Variants in FOXP2 observed in about 807,000 individuals in gnomAD.
The protein encoded by FOXP2 is forkhead box P2, also known as forkhead box protein P2.
FOXP2 carries 12 observed loss-of-function variants against 115.8 expected under a neutral mutation model. The observed-to-expected ratio is 0.10, with a 90% CI of 0.07 to 0.17. FOXP2 has a LOEUF of 0.17. Among genes scored for constraint, FOXP2 ranks in the 10% least tolerant of loss-of-function variants. The pLI is 1.00. For missense variants in FOXP2, 629 were observed against 843.5 expected, an observed-to-expected ratio of 0.75 and a Z score of 3.15; for synonymous variants, 328 against 297.7, an observed-to-expected ratio of 1.10 and a Z score of -1.05.
At chr7:114,113,327 T>C (rs1791320281) in intron 1 of FOXP2, among the ~76,000 whole-genome samples, 1 of 152,172 alleles carries the variant, frequency 6.6e-6, no homozygotes. Context: ...TCTCAAATCC[T>C]AAACAAAAAT....
chr7:114,418,329 G>T (rs1793445290), intron 1 of FOXP2, among the ~76,000 whole-genome samples: 1 of 151,970 alleles, frequency 6.6e-6, no homozygotes, highest in East Asian at 1.9e-4. Context: ...ACATAAATCA[G>T]CCCTCCAACA....
chr7:114,341,276 C>G (rs1791206230), intron 2 of FOXP2, among the ~76,000 whole-genome samples: 1 of 151,182 alleles, frequency 6.6e-6, no homozygotes, highest in South Asian at 2.1e-4. Context: ...TGCCTAAATG[C>G]AATGTTTTCT....
chr7:114,658,226 G>A lies in FOXP2; in HGVS notation c.1427G>A (p.Arg476Gln). 1.2e-6 allele frequency: 2 copies of A among 1,613,782 alleles called. No homozygotes were observed. Among genetic ancestry groups the A allele is most frequent in the East Asian group, 2.2e-5 (1 of 44,854 alleles). Residue 476 changes from arginine to glutamine, a missense_variant, in exon 11 of 17, where the codon CGA becomes CAA. Coordinates refer to ENST00000350908, the MANE Select transcript of FOXP2 (RefSeq NM_014491.4). ...AGTGTGCCCAATGTGGGAGCCATAC[G>A]AAGGCGACATTCAGACAAATACAAC... ...PASVPNVGAI[R>Q]RRHSDKYNIP...
At chr7:114,307,875 A>G (rs1483269298) in intron 2 of FOXP2, among the ~76,000 whole-genome samples, 3 of 152,160 alleles carry the variant, frequency 2.0e-5, no homozygotes, top group Admixed American at 6.6e-5. Context: ...CTGTTTTTGT[A>G]GCCTGTGGAT....
chr7:114,155,896 T>C (rs1396840058), intron 1 of FOXP2, among the ~76,000 whole-genome samples: 1 of 152,126 alleles, frequency 6.6e-6, no homozygotes, highest in Non-Finnish European at 1.5e-5. Context: ...TGTCAGCATG[T>C]TTCTGGGGGG....
chr7:114,320,097 AATAT>A (rs1326486165), intron 2 of FOXP2, among the ~76,000 whole-genome samples: 2 of 111,694 alleles, frequency 1.8e-5, no homozygotes, highest in East Asian at 2.7e-4. Context: ...ATATACTCAT[AATAT>A]ATGCTTTTTA....
chr7:114,624,565 C>T (rs1804430202), intron 3 of FOXP2, among the ~76,000 whole-genome samples: 1 of 151,782 alleles, frequency 6.6e-6, no homozygotes, highest in South Asian at 2.1e-4. Flanking sequence ...AAGCCCAGCA[C>T]ATTCAGAAAT....
chr7:114,100,844 G>A (rs117447025), intron 1 of FOXP2, among the ~76,000 whole-genome samples: 13 of 152,142 alleles, frequency 8.5e-5, no homozygotes, highest in Admixed American at 8.5e-4. Flanking sequence ...AGCACTTTGT[G>A]TGTACAAATT....
At chr7:114,325,069 A>G (rs1007907351) in intron 2 of FOXP2, among the ~76,000 whole-genome samples, 2 of 151,932 alleles carry the variant, frequency 1.3e-5, no homozygotes, top group Non-Finnish European at 2.9e-5. Context: ...ATGTTCTTAC[A>G]TTAAACTTTT....
chr7:114,198,352 C>T (rs545635349), intron 1 of FOXP2, among the ~76,000 whole-genome samples: 1 of 152,144 alleles, frequency 6.6e-6, no homozygotes, highest in Non-Finnish European at 1.5e-5. Flanking sequence ...TGCAGAAGTC[C>T]TCTCTAGTGG....
intron 1 of FOXP2, among the ~76,000 whole-genome samples, chr7:114,275,318 C>T (rs1020475249): frequency 1.3e-5 from 2 of 152,000 alleles, no homozygotes; most frequent in African/African-American, 2.4e-5. Flanking sequence ...GTAGTTTTCC[C>T]GCAGTTCTTA....
intron 16 of FOXP2, among the ~76,000 whole-genome samples, chr7:114,687,154 A>T (rs1167568114): frequency 1.3e-5 from 2 of 152,140 alleles, no homozygotes; most frequent in Non-Finnish European, 2.9e-5. Context: ...ATTAAGCGTT[A>T]TTTCCATTTA....
At chr7:114,648,913 C>G (rs764869706) in intron 8 of FOXP2, among the ~76,000 whole-genome samples, 2 of 152,050 alleles carry the variant, frequency 1.3e-5, no homozygotes, top group Non-Finnish European at 2.9e-5. Context: ...GAACTGCAGT[C>G]TCGGTAAGAG....
chr7:114,267,941 A>G (rs1795937042), intron 1 of FOXP2, among the ~76,000 whole-genome samples: 1 of 151,952 alleles, frequency 6.6e-6, no homozygotes, highest in Non-Finnish European at 1.5e-5. Context: ...GTACCCATTA[A>G]GCAATAATAT....
chr7:114,446,424 A>G (rs1365556655), intron 2 of FOXP2, among the ~76,000 whole-genome samples: 1 of 152,042 alleles, frequency 6.6e-6, no homozygotes, highest in African/African-American at 2.4e-5. Flanking sequence ...TAAAACAGCC[A>G]AAATTAATAC....
intron 1 of FOXP2, among the ~76,000 whole-genome samples, chr7:114,115,043 A>T (rs1359276786): frequency 1.3e-5 from 2 of 151,986 alleles, no homozygotes; most frequent in Admixed American, 1.3e-4. Context: ...ACTAAGTGTC[A>T]ATTTAACTTA....
intron 1 of FOXP2, among the ~76,000 whole-genome samples, chr7:114,090,114 T>C (rs1799512896): frequency 1.3e-5 from 2 of 151,926 alleles, no homozygotes; most frequent in Non-Finnish European, 2.9e-5. Flanking sequence ...ATAATACTGA[T>C]AGAAAACAAA....
intron 2 of FOXP2, among the ~76,000 whole-genome samples, chr7:114,485,487 A>C (rs929601184): frequency 4.0e-5 from 6 of 151,494 alleles, no homozygotes; most frequent in African/African-American, 1.5e-4. Flanking sequence ...TGAACTTTTA[A>C]GCAAACATAT....
At chr7:114,283,106 T>G (rs1796380835) in intron 1 of FOXP2, among the ~76,000 whole-genome samples, 1 of 152,176 alleles carries the variant, frequency 6.6e-6, no homozygotes. Flanking sequence ...AGAATTTGGT[T>G]GTTGATTTTC....
Sources: gnomAD v4.1 joint callset for allele counts (sites outside exome capture counted in the v4.1 genomes callset) on GRCh38, gnomAD v4.1.1 for gene constraint, MANE v1.5 for transcripts, NCBI Gene and HGNC (gene_info 2026-07-23, HGNC 2026-07-21) for gene names.